USP34: variants seen among roughly 807,000 people sequenced by gnomAD.
USP34 encodes ubiquitin specific peptidase 34.
Under a neutral mutation model 460.3 loss-of-function variants are expected in USP34, and 70 were observed. That is an observed-to-expected ratio of 0.15 (90% CI 0.13 to 0.19). USP34 has a LOEUF of 0.19. USP34 is among the 10% of genes least tolerant of loss of function. The pLI is 1.00. For synonymous variants in USP34, 1,647 were observed against 1,405.3 expected, an observed-to-expected ratio of 1.17 and a Z score of -3.85; for missense variants, 3,985 against 4,236.2, an observed-to-expected ratio of 0.94 and a Z score of 1.65.
intron 18 of USP34, among the ~76,000 whole-genome samples, chr2:61,339,122 A>C (rs1691512547): frequency 6.6e-6 from 1 of 152,184 alleles, no homozygotes; most frequent in Admixed American, 6.5e-5. Context: ...TGTTGGGTGG[A>C]TCTAACAAAG....
chr2:61,187,918 T>G lies in USP34; in HGVS notation c.*184A>C. The G allele has an allele frequency of 7.0e-7, 1 of 1,428,576 alleles. No individual in the cohort carries two copies. Among genetic ancestry groups the G allele is most frequent in the Non-Finnish European group, 9.2e-7 (1 of 1,088,944 alleles). 88.5% of individuals were successfully genotyped at this position (1,428,576 alleles called of 1,614,324 possible). A position where few individuals can be genotyped will look rare whatever the true frequency, so the allele number is the denominator to read the frequency against. ...TCTGATTGCCCTTTAGGAAGTATAC[T>G]GAAGATGCAAGTTTTTTTCATCTGG... On this transcript the variant is annotated 3_prime_UTR_variant, in exon 80 of 80. Transcript: ENST00000398571.
intron 1 of USP34, among the ~76,000 whole-genome samples, chr2:61,451,201 A>G (rs1317264708): frequency 1.6e-5 from 2 of 124,030 alleles, no homozygotes; most frequent in African/African-American, 6.4e-5. Flanking sequence ...AGCCCAGGTG[A>G]CAGTGTGAGG....
intron 67 of USP34, among the ~76,000 whole-genome samples, chr2:61,216,922 A>AG (rs1292503799): frequency 5.9e-5 from 9 of 151,414 alleles, no homozygotes; most frequent in African/African-American, 2.2e-4. Flanking sequence ...CATCTCAAAA[A>AG]GAAAAAAAAA....
At position 61,204,616 on chromosome 2, in the gene USP34, A is replaced by G. The variant is rs548107883; in HGVS notation, c.9155-15T>C. On this transcript the variant is annotated splice_polypyrimidine_tract_variant and intron_variant, in intron 72 of 79. Transcript: ENST00000398571. Reference sequence around the variant, plus strand: ...CTTGAGGACATCTGAAAATAAAAACAAAGTTTGGGTAGCAAAAAATTAAGA... The same window carrying G: ...CTTGAGGACATCTGAAAATAAAAACGAAGTTTGGGTAGCAAAAAATTAAGA... 5.0e-6 allele frequency: 8 copies of G among 1,605,950 alleles called. No individual in the cohort carries two copies. The African/African-American group carries it at 8.0e-5, about 16-fold the overall frequency.
chr2:61,284,939 G>T lies in USP34; in HGVS notation c.4768C>A (p.Gln1590Lys). The T allele has an allele frequency of 6.2e-7, 1 of 1,609,918 alleles. No individual in the cohort carries two copies. Among genetic ancestry groups the T allele is most frequent in the East Asian group, 2.2e-5 (1 of 44,732 alleles). Reference protein sequence around the residue: ...RLTEVFLVLVQGTSLIQRLMS... With the variant: ...RLTEVFLVLVKGTSLIQRLMS... The stretch of plus-strand genomic sequence containing the variant: ...AGTCGCTGAATCAAACTGGTTCCTT[G>T]GACAAGAACAAGAAATACCTTTAAA... Residue 1590 changes from glutamine to lysine, a missense_variant, in exon 35 of 80, where the codon CAA becomes AAA. Gln to Lys is a moderately conservative substitution (Grantham distance 53, BLOSUM62 1). Coordinates refer to ENST00000398571, the MANE Select transcript of USP34 (RefSeq NM_014709.4).
Position 61,227,523 on chromosome 2 carries a change from C to T in USP34, c.7444-305G>A, listed in dbSNP as rs556526870. On this transcript the variant is annotated intron_variant, in intron 61 of 79. Coordinates refer to ENST00000398571, the MANE Select transcript of USP34 (RefSeq NM_014709.4). ...GTCAGGAGTTCGAGAACAGCCTGGC[C>T]GACATGGTGAAACTCCGTTTCTACT... Among the ~76,000 whole-genome samples the T allele has an allele frequency of 3.8e-4, 58 of 152,082 alleles. No homozygotes were observed. The South Asian group carries it at 7.3e-3, about 19-fold the overall frequency.
chr2:61,383,446 T>A, intron 5 of USP34, 110 bp from the exon 6 acceptor site: 1 of 702,736 alleles, frequency 1.4e-6, no homozygotes, highest in Non-Finnish European at 2.3e-6. Context: ...CGCTCACGCC[T>A]GTAATCCCAG....
In USP34 at chr2:61,406,064, G is replaced by A. The variant is rs1361207323; in HGVS notation, c.196C>T (p.Leu66Phe). 2 of 1,613,624 alleles carry A rather than the reference G, an allele frequency of 1.2e-6. No homozygotes were observed. The highest frequency in any genetic ancestry group is 4.5e-5 in the East Asian group (2 of 44,838). The change falls in exon 3 of 80, where the codon CTT becomes TTT. Residue 66 changes from leucine (L) to phenylalanine (F), a missense_variant. Physicochemically the swap from Leu to Phe is conservative, Grantham distance 22 (BLOSUM62 0). Transcript: ENST00000398571. ...LEIFNQVVCALINLVIAQVQV... is the reference protein window; with the variant it reads ...LEIFNQVVCAFINLVIAQVQV... ...ACTTGGGCAATCACTAAGTTAATAA[G>A]TGCACACACTACTTGATTAAAAATC...
intron 75 of USP34, among the ~76,000 whole-genome samples, chr2:61,201,211 GTTTTTTTTTTTT>G (rs59199472): frequency 9.9e-6 from 1 of 101,382 alleles, no homozygotes; most frequent in East Asian, 3.0e-4. Flanking sequence ...CTCATAGAAA[GTTTTTTTTTTTT>G]TTTTTTTTTT....
At position 61,470,801 on chromosome 2, in the gene USP34, CGGGGA is replaced by C. The variant is rs1362476673; in HGVS notation, c.-114_-110del. 2.2e-6 allele frequency: 1 copy of C among 463,844 alleles called. No individual in the cohort carries two copies. Among genetic ancestry groups the C allele is most frequent in the African/African-American group, 2.5e-5 (1 of 39,276 alleles). 28.7% of individuals were successfully genotyped at this position (463,844 alleles called of 1,614,324 possible). On this transcript the variant is annotated 5_prime_UTR_variant, in exon 1 of 80. Transcript: ENST00000398571. ...GGAGGGGGCCGGCCGGCCGGCGGGG[CGGGGA>C]GGCGACTAGGGCGGGCGGCGGCGGG...
intron 27 of USP34, among the ~76,000 whole-genome samples, chr2:61,301,985 AG>A (rs1462544315): frequency 6.6e-6 from 1 of 152,234 alleles, no homozygotes; most frequent in African/African-American, 2.4e-5. Flanking sequence ...AAAGAAAGAA[AG>A]AAAGAAAAAA....
chr2:61,446,930 A>C (rs1226024504), intron 1 of USP34, among the ~76,000 whole-genome samples: 1 of 152,118 alleles, frequency 6.6e-6, no homozygotes, highest in Non-Finnish European at 1.5e-5. Context: ...TCATCTTTCC[A>C]ATGTTGACAC....
intron 62 of USP34, among the ~76,000 whole-genome samples, chr2:61,225,904 T>C (rs1247379984): frequency 1.3e-5 from 2 of 152,220 alleles, no homozygotes; most frequent in African/African-American, 4.8e-5. Context: ...ATCATGGCCT[T>C]CTTGAGCTTA....
intron 75 of USP34, among the ~76,000 whole-genome samples, chr2:61,197,665 AC>A (rs1686847278): frequency 1.3e-5 from 2 of 152,038 alleles, no homozygotes; most frequent in South Asian, 4.1e-4. Context: ...TGGCCCAATC[AC>A]AGCTCATTGT....
chr2:61,241,233 C>G (rs984954330), intron 53 of USP34, among the ~76,000 whole-genome samples: 1 of 151,928 alleles, frequency 6.6e-6, no homozygotes, highest in Non-Finnish European at 1.5e-5. Flanking sequence ...TTAGGAGAAA[C>G]AGAGTTTCAC....
Position 61,190,319 on chromosome 2 carries a change from A to G in USP34, c.9825T>C (p.Asp3275=). 1.2e-6 allele frequency: 2 copies of G among 1,613,942 alleles called. No individual in the cohort carries two copies. Among genetic ancestry groups the G allele is most frequent in the Admixed American group, 1.7e-5 (1 of 59,954 alleles). The change falls in exon 78 of 80, where the codon GAT becomes GAC. Residue 3275 remains aspartate (D), a synonymous_variant. Transcript: ENST00000398571. ...LISQYQNLQS[D]FSNRVEISKA... ...TGGAAATTTCAACTCGGTTGGAGAA[A>G]TCAGACTGTAGGTTCTGATACTGGC... is the stretch of plus-strand genomic sequence containing the variant.
chr2:61,365,945 T>TATTC (rs1692425559), intron 10 of USP34, among the ~76,000 whole-genome samples: 1 of 43,022 alleles, frequency 2.3e-5, no homozygotes, highest in Admixed American at 3.3e-4. Context: ...TGGGAACACC[T>TATTC]ATTTATTTAT....
rs74910900 is a variant in USP34, at chr2:61,262,248, C to T, written c.5779-2472G>A. On this transcript the variant is annotated intron_variant, in intron 43 of 79. Transcript: ENST00000398571. ...TACATATGCAGGTTATATAGGTAAA[C>T]CGTGTGTCACGTAAGTTTGGTATAT... 4.3e-4 allele frequency among the ~76,000 whole-genome samples: 64 copies of T among 150,036 alleles called. No individual in the cohort carries two copies. In the Middle Eastern group the frequency reaches 0.018, roughly 42 times the overall value.
intron 19 of USP34, among the ~76,000 whole-genome samples, chr2:61,333,199 C>G (rs958117027): frequency 2.0e-5 from 3 of 152,048 alleles, no homozygotes; most frequent in African/African-American, 7.2e-5. Context: ...AGTTCTACCT[C>G]TGGAAGAATT....
Sources: allele counts gnomAD v4.1 joint callset (sites outside exome capture counted in the v4.1 genomes callset), GRCh38; gene constraint gnomAD v4.1.1; transcripts MANE v1.5; gene names NCBI Gene and HGNC (gene_info 2026-07-23, HGNC 2026-07-21).